Variants in COL18A1 observed in about 807,000 individuals in gnomAD.
COL18A1 encodes collagen alpha-1(XVIII) chain.
Under a neutral mutation model 168.0 loss-of-function variants are expected in COL18A1, and 133 were observed. The ratio of observed to expected loss-of-function variants is 0.79; its 90% CI spans 0.69 to 0.91. COL18A1 has a LOEUF of 0.91. COL18A1 is among the 40% of genes least tolerant of loss of function. The pLI, the probability that COL18A1 is intolerant of heterozygous loss-of-function variation, is 0.00. For missense variants in COL18A1, 2,126 were observed against 1,925.4 expected (o/e 1.10, Z -1.95); for synonymous variants, 949 against 809.0 (o/e 1.17, Z -2.94).
intron 8 of COL18A1, 136 bp from the exon 9 acceptor site, chr21:45,478,191 C>A (rs777772395): frequency 1.7e-6 from 2 of 1,153,842 alleles, no homozygotes; most frequent in Admixed American, 1.9e-5. Flanking sequence ...GCTCCTGGCG[C>A]GGGTGCGAGG....
chr21:45,434,322 G>A (rs764820504), intron 2 of COL18A1, among the ~76,000 whole-genome samples: 7 of 152,172 alleles, frequency 4.6e-5, no homozygotes, highest in Non-Finnish European at 7.3e-5. Flanking sequence ...GTGCTGGGAC[G>A]GGCGCAGGAG....
intron 2 of COL18A1, among the ~76,000 whole-genome samples, chr21:45,406,361 G>C (rs1000966394): frequency 7.9e-5 from 12 of 152,368 alleles, no homozygotes; most frequent in African/African-American, 2.9e-4. Flanking sequence ...AAGCAGGAAA[G>C]GGGGAGGGAG....
At position 45,443,345 on chromosome 21, in the gene COL18A1, A is replaced by G. The variant is rs2034432799; in HGVS notation, c.107-24897A>G. ...AGCCTGCCCTGGGGCCTTCCATGAG[A>G]AAACCCAGTTAAGGAGCAACCTGGT... On this transcript the variant is annotated intron_variant, in intron 2 of 41. Transcript: ENST00000651438. The surrounding 1 kb of genome is among the most constrained non-coding windows in gnomAD (Gnocchi z 5.2). Among the ~76,000 whole-genome samples, 2 of 152,122 alleles carry G rather than the reference A, an allele frequency of 1.3e-5. No individual in the cohort carries two copies. Among genetic ancestry groups the G allele is most frequent in the Admixed American group, 1.3e-4 (2 of 15,278 alleles).
chr21:45,480,446 C>G, intron 11 of COL18A1, 21 bp from the exon 12 acceptor site: 1 of 1,614,098 alleles, frequency 6.2e-7, no homozygotes, highest in African/African-American at 1.3e-5. Context: ...GGCAACGTGT[C>G]TCTCCGGCTC....
chr21:45,450,082 G>A (rs1222098390), intron 2 of COL18A1, among the ~76,000 whole-genome samples: 3 of 152,172 alleles, frequency 2.0e-5, no homozygotes, highest in Non-Finnish European at 4.4e-5. Context: ...CTGGGGGCGT[G>A]CCCATGGGCA....
chr21:45,497,608 G>A lies in COL18A1; in HGVS notation c.2630G>A (p.Gly877Asp), dbSNP rs770294398. Reference protein sequence around the residue: ...PGPPGLPGNQGPPGPKGAKGE... With the variant: ...PGPPGLPGNQDPPGPKGAKGE... The stretch of plus-strand genomic sequence containing the variant: ...GTCTCTCTTCCTCCAGGGAATCAGG[G>A]CCCTCCAGGACCCAAGGGCGCCAAA... Residue 877 changes from glycine to aspartate, a missense_variant, in exon 32 of 42, where the codon GGC becomes GAC. Coordinates refer to ENST00000651438, the MANE Select transcript of COL18A1 (RefSeq NM_001379500.1). 31 of 1,563,364 alleles carry A rather than the reference G, an allele frequency of 2.0e-5. No individual in the cohort carries two copies. The Admixed American group carries it at 2.8e-4, about 14-fold the overall frequency.
chr21:45,512,195 A>C lies in COL18A1; in HGVS notation c.3817A>C (p.Lys1273Gln). 1 of 1,612,286 alleles carries C rather than the reference A, an allele frequency of 6.2e-7. No homozygotes were observed. Among genetic ancestry groups the C allele is most frequent in the Non-Finnish European group, 8.5e-7 (1 of 1,179,614 alleles). ...GCCCGGCGCGTCTTACAGGCCCCAG[A>C]AGAGCGTGTGGCATGGCTCGGACCC... ...DVLRHPTWPQ[K>Q]SVWHGSDPNG... The change falls in exon 42 of 42, where the codon AAG (lysine) becomes CAG (glutamine). Residue 1273 changes from lysine (K) to glutamine (Q), a missense_variant. Lys to Gln is a moderately conservative substitution (Grantham distance 53). Transcript: ENST00000651438.
intron 2 of COL18A1, among the ~76,000 whole-genome samples, chr21:45,460,116 C>T (rs575479484): frequency 4.9e-4 from 74 of 152,176 alleles, no homozygotes; most frequent in African/African-American, 1.7e-3. Context: ...GTGTGGCTAG[C>T]AAGGAGGGAG....
intron 2 of COL18A1, among the ~76,000 whole-genome samples, chr21:45,417,327 G>A (rs151283820): frequency 5.3e-5 from 8 of 152,176 alleles, no homozygotes; most frequent in African/African-American, 1.9e-4. Context: ...CCTCCTTCTG[G>A]CGCTTGCTTC....
At chr21:45,489,810 C>T (rs1173649162) in intron 19 of COL18A1, among the ~76,000 whole-genome samples, 1 of 142,706 alleles carries the variant, frequency 7.0e-6, no homozygotes, top group Non-Finnish European at 1.6e-5. Flanking sequence ...GGCCTCCCGC[C>T]TCTCCCTCCT....
intron 4 of COL18A1, among the ~76,000 whole-genome samples, chr21:45,474,803 G>GACGTGGACCCAC (rs1568899770): frequency 6.8e-6 from 1 of 146,948 alleles, no homozygotes; most frequent in Non-Finnish European, 1.5e-5. Context: ...AGACACCGTG[G>GACGTGGACCCAC]CTGGACTGTG....
chr21:45,461,133 A>G (rs528779866), intron 2 of COL18A1, among the ~76,000 whole-genome samples: 6 of 152,284 alleles, frequency 3.9e-5, no homozygotes, highest in Non-Finnish European at 2.9e-5. Flanking sequence ...TGTAATCACC[A>G]TGTGTACATT....
At chr21:45,486,587 GCTGTGCATGTGGGCCTCCCC>G (rs1050069122) in intron 15 of COL18A1, among the ~76,000 whole-genome samples, 3 of 152,128 alleles carry the variant, frequency 2.0e-5, no homozygotes, top group Admixed American at 6.5e-5. Flanking sequence ...TGCACCTCCC[GCTGTGCATGTGGGCCTCCCC>G]CTGTGCATGT....
intron 38 of COL18A1, among the ~76,000 whole-genome samples, chr21:45,508,028 G>T (rs933688271): frequency 2.6e-5 from 4 of 152,022 alleles, no homozygotes; most frequent in African/African-American, 7.2e-5. Flanking sequence ...TGGAGAGGTG[G>T]GTGAGTGGAT....
Position 45,510,176 on chromosome 21 carries a change from G to A in COL18A1, c.3608G>A (p.Arg1203His), listed in dbSNP as rs775271361. The A allele has an allele frequency of 9.4e-6, 15 of 1,596,362 alleles. No homozygotes were observed. The highest frequency in any genetic ancestry group is 1.3e-5 in the African/African-American group (1 of 74,388). Residue 1203 changes from arginine to histidine, a missense_variant, in exon 40 of 42, where the codon CGC becomes CAC. Transcript: ENST00000651438. ...GCCGTGGGGCTGGCGGGCACCTTCC[G>A]CGCCTTCCTGTCCTCGCGCCTGCAG... The part of the protein sequence containing the change: ...ARAVGLAGTF[R>H]AFLSSRLQDL...
chr21:45,480,500 G>A lies in COL18A1; in HGVS notation c.1432G>A (p.Gly478Ser). 12 of 1,614,158 alleles carry A rather than the reference G, an allele frequency of 7.4e-6. No homozygotes were observed. Among genetic ancestry groups the A allele is most frequent in the East Asian group, 2.2e-5 (1 of 44,866 alleles). ...FIDMEGSGFG[G>S]DLEALRGPRG... is the part of the protein sequence containing the mutation. ...TGACATGGAGGGATCTGGCTTCGGG[G>A]GCGATCTGGAGGCCCTGCGGGTGAG... Residue 478 changes from glycine to serine, a missense_variant, in exon 12 of 42, where the codon GGC becomes AGC. Transcript: ENST00000651438.
rs527920027 is a variant in COL18A1, at chr21:45,511,274, A to AAGGC, written c.3809+49_3809+52dup. On this transcript the variant is annotated intron_variant, in intron 41 of 41. Transcript: ENST00000651438. Reference sequence around the variant, plus strand: ...GCAGCTCTGAGAGCCCCAGCCAGGGAAGGCGGGCGGGCGGGCTCCTATCTG... The same window carrying AAGGC: ...GCAGCTCTGAGAGCCCCAGCCAGGGAAGGCAGGCGGGCGGGCGGGCTCCTATCTG... 381 of 1,081,632 alleles carry AAGGC rather than the reference A, an allele frequency of 3.5e-4. 6 individuals carry two copies. The highest frequency in any genetic ancestry group is 3.2e-3 in the African/African-American group (207 of 64,046). The allele number at this position is 1,081,632 out of a possible 1,614,324, so 67.0% of individuals were successfully genotyped here. A position where few individuals can be genotyped will look rare whatever the true frequency, so the allele number is the denominator to read the frequency against.
rs1476913545 is a variant in COL18A1, at chr21:45,487,454, T to C, written c.1841T>C (p.Met614Thr). Residue 614 changes from methionine to threonine, a missense_variant, in exon 17 of 42, where the codon ATG becomes ACG. Coordinates refer to ENST00000651438, the MANE Select transcript of COL18A1 (RefSeq NM_001379500.1). ...GPGLPAGFDD[M>T]EGSGGPFWST... ...CTCGTGTGTCTCTTCCAGGATGACA[T>C]GGAAGGCTCCGGGGGGCCCTTCTGG... 4.3e-6 allele frequency: 7 copies of C among 1,612,950 alleles called. No homozygotes were observed. The highest frequency in any genetic ancestry group is 1.1e-5 in the South Asian group (1 of 91,082).
At chr21:45,422,410 A>T (rs2033654654) in intron 2 of COL18A1, 2 of 519,428 alleles carry the variant, frequency 3.9e-6, no homozygotes. Context: ...TGAGGGTCTC[A>T]CCTCTTCCTG....
Sources: gnomAD v4.1 joint callset for allele counts (sites outside exome capture counted in the v4.1 genomes callset) on GRCh38, gnomAD v4.1.1 for gene constraint, Gnocchi (gnomAD v3.1) non-coding constraint, MANE v1.5 for transcripts, NCBI Gene and HGNC (gene_info 2026-07-23, HGNC 2026-07-21) for gene names.